GULP1: variants seen among roughly 807,000 people sequenced by gnomAD.
GULP1 encodes GULP PTB domain containing engulfment adaptor 1.
In GULP1, 19 loss-of-function variants were observed where a neutral mutation model predicts 40.9. The ratio of observed to expected loss-of-function variants is 0.46; its 90% CI spans 0.32 to 0.68. The LOEUF (loss-of-function observed/expected upper bound fraction) is 0.68. GULP1 is among the 30% of genes least tolerant of loss of function. GULP1 has a pLI of 0.03. For synonymous variants in GULP1, 119 were observed against 117.6 expected (o/e 1.01, Z -0.08); for missense variants, 312 against 362.2 (o/e 0.86, Z 1.12).
chr2:188,471,930 T>C (rs972718494), intron 2 of GULP1, among the ~76,000 whole-genome samples: 2 of 152,232 alleles, frequency 1.3e-5, no homozygotes, highest in Non-Finnish European at 2.9e-5. Flanking sequence ...GTACTTGCTT[T>C]AGCATCTATT....
Position 188,318,827 on chromosome 2 carries a change from G to C in GULP1, c.-172+26661G>C, listed in dbSNP as rs559367759. Among the ~76,000 whole-genome samples the C allele has an allele frequency of 7.9e-5, 12 of 152,268 alleles. No individual in the cohort carries two copies. In the South Asian group the frequency reaches 2.3e-3, roughly 29 times the overall value. ...CTGCTATTCTAGGCGCGCTTCCTAT[G>C]GGGTAGCTGTGCTCTGCAAGGAGCA... On this transcript the variant is annotated intron_variant, in intron 1 of 11. Coordinates refer to ENST00000409830, the MANE Select transcript of GULP1 (RefSeq NM_016315.4).
chr2:188,379,059 C>T (rs2048679215), intron 1 of GULP1, among the ~76,000 whole-genome samples: 1 of 152,072 alleles, frequency 6.6e-6, no homozygotes, highest in East Asian at 1.9e-4. Flanking sequence ...AGGAAAGTGA[C>T]TTGTGTTTTC....
At chr2:188,548,890 A>G (rs914449938) in intron 7 of GULP1, among the ~76,000 whole-genome samples, 3 of 151,262 alleles carry the variant, frequency 2.0e-5, no homozygotes, top group Admixed American at 6.6e-5. Context: ...TGCTGGTGCA[A>G]TTGGACTTTC....
chr2:188,371,343 A>G (rs752825178), intron 1 of GULP1, among the ~76,000 whole-genome samples: 5 of 152,170 alleles, frequency 3.3e-5, no homozygotes, highest in Non-Finnish European at 7.4e-5. Context: ...CTTTTCCAGC[A>G]CTATCAATAA....
intron 6 of GULP1, among the ~76,000 whole-genome samples, chr2:188,539,839 T>C (rs1689979602): frequency 6.6e-6 from 1 of 152,072 alleles, no homozygotes; most frequent in Non-Finnish European, 1.5e-5. Flanking sequence ...CACATCAAAC[T>C]CTGAACTGAG....
At chr2:188,544,912 A>G (rs1002060624) in intron 7 of GULP1, among the ~76,000 whole-genome samples, 1 of 152,078 alleles carries the variant, frequency 6.6e-6, no homozygotes, top group African/African-American at 2.4e-5. Context: ...GGATTAATCC[A>G]AGTAACTCCA....
intron 7 of GULP1, among the ~76,000 whole-genome samples, chr2:188,567,564 C>T (rs183878732): frequency 1.9e-4 from 29 of 152,270 alleles, no homozygotes; most frequent in East Asian, 9.7e-4. Context: ...CACATGTTCT[C>T]ACCCAGAAGT....
chr2:188,449,578 T>G (rs547267179), intron 2 of GULP1, among the ~76,000 whole-genome samples: 20 of 152,340 alleles, frequency 1.3e-4, no homozygotes, highest in African/African-American at 4.3e-4. Context: ...GAGATATCAT[T>G]ACTTCCATGG....
At chr2:188,510,063 G>A (rs1470813649) in intron 4 of GULP1, among the ~76,000 whole-genome samples, 1 of 152,122 alleles carries the variant, frequency 6.6e-6, no homozygotes, top group East Asian at 1.9e-4. Context: ...GATGAGGGGT[G>A]CTAGAGCATT....
intron 9 of GULP1, among the ~76,000 whole-genome samples, chr2:188,579,399 A>G (rs1700817374): frequency 1.3e-5 from 2 of 151,992 alleles, no homozygotes; most frequent in Non-Finnish European, 2.9e-5. Flanking sequence ...TAATTTAAAA[A>G]TTTCTATTGA....
At chr2:188,417,753 G>A (rs1164107263) in intron 2 of GULP1, among the ~76,000 whole-genome samples, 5 of 151,772 alleles carry the variant, frequency 3.3e-5, no homozygotes, top group African/African-American at 1.2e-4. Context: ...TTACTTTTAG[G>A]GAAGAGCTTA....
chr2:188,586,720 T>C (rs1702447939), intron 10 of GULP1, among the ~76,000 whole-genome samples: 1 of 152,124 alleles, frequency 6.6e-6, no homozygotes, highest in African/African-American at 2.4e-5. Flanking sequence ...TACAAGGAGC[T>C]TGTAAGAATT....
At chr2:188,424,347 A>G (rs1177889216) in intron 2 of GULP1, among the ~76,000 whole-genome samples, 5 of 151,934 alleles carry the variant, frequency 3.3e-5, no homozygotes. Flanking sequence ...AGCAGGAACA[A>G]AAGTACACAG....
intron 1 of GULP1, among the ~76,000 whole-genome samples, chr2:188,355,795 A>G (rs950825552): frequency 3.9e-5 from 6 of 152,048 alleles, no homozygotes; most frequent in Non-Finnish European, 7.4e-5. Context: ...GCAAACCAGT[A>G]TTTTGAACTG....
At chr2:188,437,610 A>G (rs2057528357) in intron 2 of GULP1, among the ~76,000 whole-genome samples, 1 of 152,156 alleles carries the variant, frequency 6.6e-6, no homozygotes, top group Admixed American at 6.5e-5. Context: ...ATTCTACCAT[A>G]AAGACACGTA....
chr2:188,367,942 C>G (rs1468035705), intron 1 of GULP1, among the ~76,000 whole-genome samples: 2 of 152,108 alleles, frequency 1.3e-5, no homozygotes, highest in Non-Finnish European at 2.9e-5. Context: ...GCTCTGTGAG[C>G]ACACTTATAT....
At position 188,476,457 on chromosome 2, in the gene GULP1, G is replaced by A. The variant is rs147029463; in HGVS notation, c.-44-1202G>A. ...ATCTGAAGATGGAACACACCAAACT[G>A]GGCTCTTACACCAAGCACATGAGTT... On this transcript the variant is annotated intron_variant, in intron 2 of 11. Transcript: ENST00000409830. Among the ~76,000 whole-genome samples, 1,053 of 152,134 alleles carry A rather than the reference G, an allele frequency of 6.9e-3. 5 individuals carry two copies. Among genetic ancestry groups the A allele is most frequent in the South Asian group, 0.029 (140 of 4,808 alleles).
chr2:188,363,455 A>C (rs549172568), intron 1 of GULP1, among the ~76,000 whole-genome samples: 5 of 152,256 alleles, frequency 3.3e-5, no homozygotes, highest in East Asian at 1.9e-4. Flanking sequence ...TATCTTGAAA[A>C]TTCCAAGGAA....
At chr2:188,474,264 C>T (rs2060826557) in intron 2 of GULP1, among the ~76,000 whole-genome samples, 1 of 152,080 alleles carries the variant, frequency 6.6e-6, no homozygotes, top group Admixed American at 6.6e-5. Flanking sequence ...GTCACGTGCC[C>T]CAGCATTCTA....
Sources: gnomAD v4.1 joint callset for allele counts (sites outside exome capture counted in the v4.1 genomes callset) on GRCh38, gnomAD v4.1.1 for gene constraint, MANE v1.5 for transcripts, NCBI Gene and HGNC (gene_info 2026-07-23, HGNC 2026-07-21) for gene names.